Variants in CENPF observed in about 807,000 individuals in gnomAD.
CENPF encodes the protein centromere protein F.
In CENPF, 214 loss-of-function variants were observed where a neutral mutation model predicts 307.3. The observed-to-expected ratio is 0.70, with a 90% CI of 0.62 to 0.78. CENPF has a LOEUF of 0.78. Ranked by LOEUF, CENPF falls within the 30% of genes least tolerant of loss-of-function variation. CENPF has a pLI of 0.00. For synonymous variants in CENPF, 1,259 were observed against 1,270.6 expected (o/e 0.99, Z 0.19); for missense variants, 3,401 against 3,483.9 (o/e 0.98, Z 0.60).
intron 9 of CENPF, among the ~76,000 whole-genome samples, chr1:214,631,277 C>T (rs917577954): frequency 2.0e-5 from 3 of 152,164 alleles, no homozygotes; most frequent in African/African-American, 7.2e-5. Context: ...CATGTCACTT[C>T]TATTCTTCTT....
chr1:214,655,164 TATATC>T (rs1658596676), intron 16 of CENPF, 72 bp from the exon 17 acceptor site: 6 of 890,046 alleles, frequency 6.7e-6, no homozygotes, highest in Admixed American at 3.3e-5. Flanking sequence ...ATATGAATCT[TATATC>T]TTATAATTAT....
chr1:214,605,964 T>A, intron 1 of CENPF: 1 of 1,597,220 alleles, frequency 6.3e-7, no homozygotes, highest in Non-Finnish European at 8.5e-7. Context: ...ATGCCCGAGG[T>A]GAGCGGCGAA....
intron 19 of CENPF, among the ~76,000 whole-genome samples, chr1:214,661,627 C>T (rs894325209): frequency 1.3e-5 from 2 of 152,116 alleles, no homozygotes; most frequent in African/African-American, 4.8e-5. Flanking sequence ...GCTCAGGAAC[C>T]CCTCGTTTGT....
intron 19 of CENPF, among the ~76,000 whole-genome samples, chr1:214,661,125 CTG>C (rs1424502358): frequency 6.6e-6 from 1 of 152,178 alleles, no homozygotes; most frequent in Non-Finnish European, 1.5e-5. Context: ...GTTGAATCTG[CTG>C]AGTAGGGAGT....
At position 214,646,559 on chromosome 1, in the gene CENPF, A is replaced by T; in HGVS notation, c.6989A>T (p.His2330Leu). 6.2e-7 allele frequency: 1 copy of T among 1,614,156 alleles called. No individual in the cohort carries two copies. Among genetic ancestry groups the T allele is most frequent in the Non-Finnish European group, 8.5e-7 (1 of 1,180,008 alleles). The change falls in exon 13 of 20, where the codon CAT becomes CTT. Residue 2330 changes from histidine to leucine, a missense_variant. Transcript: ENST00000366955. ...VLQQLKESEH[H>L]ADLLKGRVEN... ...CAACAACTGAAGGAAAGTGAGCATC[A>T]TGCAGATTTACTTAAGGGTAGAGTG... is the stretch of plus-strand genomic sequence containing the variant.
Position 214,630,674 on chromosome 1 carries a change from GTCTCTCTC to G in CENPF, c.1323+19_1323+26del, listed in dbSNP as rs151037491. On this transcript the variant is annotated intron_variant, in intron 9 of 19. Transcript: ENST00000366955. The stretch of plus-strand genomic sequence containing the variant: ...CTGAACTGGATAAAGTAGGGGCCGT[GTCTCTCTC>G]TCTCTCCTTAATCATCCCCTCTTGT... 1.9e-6 allele frequency: 3 copies of G among 1,597,900 alleles called. No individual in the cohort carries two copies. The South Asian group carries it at 3.4e-5, about 18-fold the overall frequency.
At chr1:214,658,758 A>G (rs778306166) in intron 18 of CENPF, 92 bp from the exon 19 acceptor site, 2 of 1,310,776 alleles carry the variant, frequency 1.5e-6, no homozygotes, top group South Asian at 1.4e-5. Flanking sequence ...TGGAGTTTGC[A>G]TTATCCTTGT....
At chr1:214,637,245 T>A (rs1485370924) in intron 10 of CENPF, among the ~76,000 whole-genome samples, 1 of 152,232 alleles carries the variant, frequency 6.6e-6, no homozygotes, top group Non-Finnish European at 1.5e-5. Flanking sequence ...GTGTATTAAA[T>A]GATTAGTATC....
At position 214,645,426 on chromosome 1, in the gene CENPF, A is replaced by G. The variant is rs766649600; in HGVS notation, c.5856A>G (p.Glu1952=). 2.7e-5 allele frequency: 43 copies of G among 1,613,920 alleles called. No individual in the cohort carries two copies. The Admixed American group carries it at 6.3e-4, about 24-fold the overall frequency. ...AGGTTATTGTCTGCCTTGAAGAAGA[A>G]CTCTCAGTGGTCACAAGTGAGAGAA... ...KQKVIVCLEE[E]LSVVTSERNQ... is the part of the protein sequence containing the mutation. Residue 1952 remains glutamate (E), a synonymous_variant, in exon 13 of 20, where the codon GAA becomes GAG. Transcript: ENST00000366955.
At chr1:214,656,374 A>G (rs1658631082) in intron 17 of CENPF, among the ~76,000 whole-genome samples, 1 of 152,124 alleles carries the variant, frequency 6.6e-6, no homozygotes, top group African/African-American at 2.4e-5. Context: ...AATGGATTTA[A>G]TACACCCATG....
rs1435585837 is a variant in CENPF, at chr1:214,647,299, G to A, written c.7729G>A (p.Ala2577Thr). The A allele has an allele frequency of 3.7e-6, 6 of 1,613,946 alleles. No homozygotes were observed. The highest frequency in any genetic ancestry group is 5.1e-6 in the Non-Finnish European group (6 of 1,179,962). Residue 2577 changes from alanine to threonine, a missense_variant, in exon 13 of 20, where the codon GCC (alanine) becomes ACC (threonine). By Grantham distance (58) the Ala-to-Thr change is moderately conservative (BLOSUM62 0). Transcript: ENST00000366955. ...QKIQVLQSKNASLQDTLEVLQ... is the reference protein window; with the variant it reads ...QKIQVLQSKNTSLQDTLEVLQ... ...GATCCAAGTGCTACAATCCAAAAAT[G>A]CCTCTTTGCAGGACACATTAGAAGT...
intron 18 of CENPF, among the ~76,000 whole-genome samples, chr1:214,657,890 T>C (rs1456449053): frequency 6.6e-6 from 1 of 152,220 alleles, no homozygotes; most frequent in Non-Finnish European, 1.5e-5. Flanking sequence ...CTGTTTGTTA[T>C]TGGTTCCCAA....
In CENPF at chr1:214,645,205, C is replaced by A. The variant is rs61732022; in HGVS notation, c.5635C>A (p.Arg1879Ser). 11 of 1,613,906 alleles carry A rather than the reference C, an allele frequency of 6.8e-6. No individual in the cohort carries two copies. In the East Asian group the frequency reaches 2.5e-4, roughly 36 times the overall value. Residue 1879 changes from arginine to serine, a missense_variant, in exon 13 of 20, where the codon CGT (arginine) becomes AGT (serine). Physicochemically the swap from Arg to Ser is moderately radical, Grantham distance 110 (BLOSUM62 -1). Coordinates refer to ENST00000366955, the MANE Select transcript of CENPF (RefSeq NM_016343.4). ...DLEMHADKSSREDIGDNVAKV... is the reference protein window; with the variant it reads ...DLEMHADKSSSEDIGDNVAKV... ...AGAAATGCATGCAGATAAATCATCA[C>A]GTGAAGATATTGGAGATAATGTGGC...
chr1:214,654,465 G>A (rs952896524), intron 16 of CENPF: 3 of 152,282 alleles, frequency 2.0e-5, no homozygotes, highest in African/African-American at 7.2e-5. Context: ...CAGCTATGCA[G>A]GAGGCTGAAG....
chr1:214,641,141 C>T lies in CENPF; in HGVS notation c.2803C>T (p.His935Tyr), dbSNP rs1658100466. ...AEIQELKKSNHLLEDSLKELQ... is the reference protein window; with the variant it reads ...AEIQELKKSNYLLEDSLKELQ... ...GATTCAAGAATTAAAAAAGAGCAAC[C>T]ATCTACTTGAAGACTCTCTAAAGGA... The change falls in exon 12 of 20, where the codon CAT (histidine) becomes TAT (tyrosine). Residue 935 changes from histidine (H) to tyrosine (Y), a missense_variant. Transcript: ENST00000366955. 6.3e-7 allele frequency: 1 copy of T among 1,584,852 alleles called. No homozygotes were observed. Among genetic ancestry groups the T allele is most frequent in the Non-Finnish European group, 8.5e-7 (1 of 1,172,918 alleles).
intron 7 of CENPF, 43 bp from the exon 8 acceptor site, chr1:214,629,003 G>A (rs771480070): frequency 7.1e-7 from 1 of 1,410,880 alleles, no homozygotes; most frequent in East Asian, 2.4e-5. Flanking sequence ...TCATTTATGT[G>A]AGTAATATTT....
chr1:214,618,450 G>A, intron 3 of CENPF, 123 bp from the exon 4 acceptor site: 4 of 1,194,012 alleles, frequency 3.4e-6, no homozygotes, highest in Non-Finnish European at 4.7e-6. Context: ...AAATGAAATG[G>A]TTAAGAATTC....
In CENPF at chr1:214,651,838, T is replaced by G. The variant is rs1371166963; in HGVS notation, c.8112T>G (p.His2704Gln). 1.2e-6 allele frequency: 2 copies of G among 1,610,916 alleles called. No individual in the cohort carries two copies. The highest frequency in any genetic ancestry group is 4.5e-5 in the East Asian group (2 of 44,806). The change falls in exon 15 of 20, where the codon CAT (histidine) becomes CAG (glutamine). Residue 2704 changes from histidine (H) to glutamine (Q), a missense_variant. His to Gln is a conservative substitution (Grantham distance 24, BLOSUM62 0). Transcript: ENST00000366955. Reference protein sequence around the residue: ...EEIAEYQLRLHEAEKKHQALL... With the variant: ...EEIAEYQLRLQEAEKKHQALL... ...TAGCTGAATATCAGCTACGGCTTCATGAAGCTGAAAAGAAACACCAGGCTT... is the reference window on the plus strand; with the variant it reads ...TAGCTGAATATCAGCTACGGCTTCAGGAAGCTGAAAAGAAACACCAGGCTT...
At position 214,645,546 on chromosome 1, in the gene CENPF, G is replaced by A; in HGVS notation, c.5976G>A (p.Glu1992=). 1 of 1,614,150 alleles carries A rather than the reference G, an allele frequency of 6.2e-7. No individual in the cohort carries two copies. ...TGAAGGAGAAAACACAAGAGCTTGA[G>A]TCTCATCAAAGTGAGTGTCTCCATT... ...EKMKEKTQEL[E]SHQSECLHCI... Residue 1992 remains glutamate, a synonymous_variant, in exon 13 of 20, where the codon GAG becomes GAA. Transcript: ENST00000366955.
Sources: gnomAD v4.1 joint callset for allele counts (sites outside exome capture counted in the v4.1 genomes callset) on GRCh38, gnomAD v4.1.1 for gene constraint, MANE v1.5 for transcripts, NCBI Gene and HGNC (gene_info 2026-07-23, HGNC 2026-07-21) for gene names.